WDR70: variants seen among roughly 807,000 people sequenced by gnomAD.
WDR70 encodes WD repeat-containing protein 70.
A neutral mutation model predicts 88.6 loss-of-function variants in WDR70; 53 were observed. The observed-to-expected ratio is 0.60, with a 90% confidence interval of 0.48 to 0.75. The LOEUF (loss-of-function observed/expected upper bound fraction) is 0.75, where lower values mean the gene tolerates loss of function less well. Among genes scored for constraint, WDR70 ranks in the 30% least tolerant of loss-of-function variants. The probability of loss-of-function intolerance (pLI) is 0.00; values close to 1 mark genes in which losing one functional copy is unlikely to be tolerated. For synonymous variants in WDR70, 280 were observed against 270.0 expected (o/e 1.04, Z -0.36); for missense variants, 610 against 823.2 (o/e 0.74, Z 3.17).
intron 17 of WDR70, among the ~76,000 whole-genome samples, chr5:37,750,260 G>A (rs533947740): frequency 2.0e-5 from 3 of 152,276 alleles, no homozygotes; most frequent in Non-Finnish European, 2.9e-5. Context: ...TTGGCTGGGC[G>A]TGGTGACTCA....
chr5:37,682,598 G>C (rs781620431), intron 10 of WDR70, among the ~76,000 whole-genome samples: 10 of 152,080 alleles, frequency 6.6e-5, no homozygotes, highest in Non-Finnish European at 1.3e-4. Flanking sequence ...CACTGCCTTA[G>C]CTGTGTCCCA....
chr5:37,518,529 G>T (rs927171499), intron 9 of WDR70, among the ~76,000 whole-genome samples: 3 of 151,898 alleles, frequency 2.0e-5, no homozygotes, highest in African/African-American at 7.3e-5. Flanking sequence ...ATAAGTTACT[G>T]GATCTCATTC....
chr5:37,486,665 A>G (rs1437418329), intron 8 of WDR70, among the ~76,000 whole-genome samples: 2 of 151,940 alleles, frequency 1.3e-5, no homozygotes, highest in African/African-American at 4.8e-5. Flanking sequence ...AATAATAACC[A>G]TTCTGACTGG....
chr5:37,521,342 A>G (rs1468597731), intron 9 of WDR70, among the ~76,000 whole-genome samples: 2 of 152,206 alleles, frequency 1.3e-5, no homozygotes, highest in Non-Finnish European at 2.9e-5. Flanking sequence ...ATTTTTAACA[A>G]CTTTTTTATT....
Position 37,582,153 on chromosome 5 carries a change from T to C in WDR70, c.918-22911T>C, listed in dbSNP as rs542447049. Among the ~76,000 whole-genome samples the C allele has an allele frequency of 3.9e-5, 6 of 152,310 alleles. No homozygotes were observed. The East Asian group carries it at 1.2e-3, about 29-fold the overall frequency. ...GTATAGTAAGGGTCATTTTAAGTTA[T>C]AGAATGGGTCATTTTTAGAATGGGT... On this transcript the variant is annotated intron_variant, in intron 9 of 17. Transcript: ENST00000265107.
At chr5:37,413,325 T>C (rs1213444345) in intron 5 of WDR70, among the ~76,000 whole-genome samples, 1 of 152,172 alleles carries the variant, frequency 6.6e-6, no homozygotes. Context: ...GAGTTTGAGA[T>C]TGAGATTAGT....
At chr5:37,560,534 A>C (rs1742469954) in intron 9 of WDR70, among the ~76,000 whole-genome samples, 1 of 152,192 alleles carries the variant, frequency 6.6e-6, no homozygotes, top group Admixed American at 6.5e-5. Context: ...TTTAAATTAT[A>C]TACACTTTGC....
intron 10 of WDR70, among the ~76,000 whole-genome samples, chr5:37,636,404 G>T (rs971065649): frequency 6.6e-6 from 1 of 152,154 alleles, no homozygotes; most frequent in African/African-American, 2.4e-5. Context: ...TTGTAATCAG[G>T]AATCATTAAT....
At chr5:37,510,958 T>C (rs979760542) in intron 8 of WDR70, among the ~76,000 whole-genome samples, 1 of 152,240 alleles carries the variant, frequency 6.6e-6, no homozygotes, top group African/African-American at 2.4e-5. Context: ...AAGTATGTGA[T>C]GTCAGCTTCA....
intron 5 of WDR70, among the ~76,000 whole-genome samples, chr5:37,412,200 A>C (rs1393519380): frequency 6.6e-6 from 1 of 152,136 alleles, no homozygotes; most frequent in African/African-American, 2.4e-5. Flanking sequence ...CAGCCTGGCC[A>C]ACATGGTGAA....
chr5:37,478,377 A>C (rs1310524716), intron 7 of WDR70, among the ~76,000 whole-genome samples: 1 of 152,160 alleles, frequency 6.6e-6, no homozygotes, highest in African/African-American at 2.4e-5. Flanking sequence ...TGGGTTTCTC[A>C]TTGCTAGCCA....
chr5:37,665,945 C>T (rs913973394), intron 10 of WDR70, among the ~76,000 whole-genome samples: 3 of 152,166 alleles, frequency 2.0e-5, no homozygotes, highest in Admixed American at 6.5e-5. Flanking sequence ...CCTCTCTATC[C>T]GTCACTTGAA....
intron 7 of WDR70, among the ~76,000 whole-genome samples, chr5:37,476,771 C>T (rs1739499088): frequency 2.0e-5 from 3 of 152,302 alleles, no homozygotes; most frequent in South Asian, 4.1e-4. Context: ...AGGATGGTCT[C>T]GATCTCAACC....
intron 8 of WDR70, among the ~76,000 whole-genome samples, chr5:37,488,756 G>T (rs75308609): frequency 6.6e-6 from 1 of 151,888 alleles, no homozygotes; most frequent in Non-Finnish European, 1.5e-5. Flanking sequence ...GCTTCTTTTA[G>T]ACTACGATTT....
At chr5:37,640,396 GT>G (rs1745074830) in intron 10 of WDR70, among the ~76,000 whole-genome samples, 2 of 152,092 alleles carry the variant, frequency 1.3e-5, no homozygotes, top group African/African-American at 4.8e-5. Context: ...ATAGATATGT[GT>G]TACTCTTTCT....
At chr5:37,483,215 AG>A (rs1181244944) in intron 8 of WDR70, among the ~76,000 whole-genome samples, 4 of 151,524 alleles carry the variant, frequency 2.6e-5, no homozygotes, top group African/African-American at 9.7e-5. Context: ...AAGTGAACAA[AG>A]GTCTCTGGTT....
At chr5:37,648,940 T>C (rs1745316688) in intron 10 of WDR70, among the ~76,000 whole-genome samples, 1 of 152,212 alleles carries the variant, frequency 6.6e-6, no homozygotes, top group Non-Finnish European at 1.5e-5. Context: ...ACATTGTCAA[T>C]GGACTCACTG....
chr5:37,690,087 C>T (rs983137338), intron 10 of WDR70, among the ~76,000 whole-genome samples: 1 of 152,006 alleles, frequency 6.6e-6, no homozygotes, highest in Admixed American at 6.6e-5. Flanking sequence ...ATAGTCAATT[C>T]AATCAAGTGG....
In WDR70 at chr5:37,499,182, C is replaced by T. The variant is rs112497483; in HGVS notation, c.841-17332C>T. Among the ~76,000 whole-genome samples the T allele has an allele frequency of 8.8e-3, 1,333 of 151,420 alleles. 24 individuals are homozygous for T. The highest frequency in any genetic ancestry group is 0.031 in the African/African-American group (1,262 of 41,234). ...AGGCTGGAGTACAGTGGTGCAGTCT[C>T]GGCTCACTGCAACCTCCACTCCCCA... is the stretch of plus-strand genomic sequence containing the variant. On this transcript the variant is annotated intron_variant, in intron 8 of 17. Transcript: ENST00000265107.
Sources: gnomAD v4.1 joint callset for allele counts (sites outside exome capture counted in the v4.1 genomes callset) on GRCh38, gnomAD v4.1.1 for gene constraint, MANE v1.5 for transcripts, NCBI Gene and HGNC (gene_info 2026-07-23, HGNC 2026-07-21) for gene names.